Variants in CNNM2 observed in about 807,000 individuals in gnomAD.
CNNM2 encodes the protein cyclin and CBS domain divalent metal cation transport mediator 2.
In CNNM2, 12 loss-of-function variants were observed where a neutral mutation model predicts 66.9. That is an observed-to-expected ratio of 0.18 (90% CI 0.11 to 0.29). The LOEUF is 0.29. Ranked by LOEUF, CNNM2 falls within the 10% of genes least tolerant of loss-of-function variation. CNNM2 has a pLI of 1.00. For synonymous variants in CNNM2, 557 were observed against 501.8 expected (o/e 1.11, Z -1.47); for missense variants, 705 against 1,167.7 (o/e 0.60, Z 5.77).
chr10:102,944,141 C>G (rs995714588), intron 1 of CNNM2, among the ~76,000 whole-genome samples: 5 of 145,070 alleles, frequency 3.4e-5, no homozygotes, highest in Non-Finnish European at 6.0e-5. Flanking sequence ...AAGACTGGTG[C>G]GATCTCGGCT....
intron 1 of CNNM2, among the ~76,000 whole-genome samples, chr10:102,991,953 TATTAC>T (rs1476816464): frequency 1.3e-5 from 2 of 152,220 alleles, no homozygotes; most frequent in African/African-American, 4.8e-5. Context: ...CTGTATGAAC[TATTAC>T]ATTAAAGTTT....
chr10:102,943,089 G>A (rs1373982002), intron 1 of CNNM2, among the ~76,000 whole-genome samples: 3 of 152,088 alleles, frequency 2.0e-5, no homozygotes, highest in Non-Finnish European at 2.9e-5. Flanking sequence ...GCCAGGCGTG[G>A]TGGCACACTC....
At chr10:103,058,979 T>G (rs2065340152) in intron 4 of CNNM2, among the ~76,000 whole-genome samples, 1 of 152,186 alleles carries the variant, frequency 6.6e-6, no homozygotes, top group Non-Finnish European at 1.5e-5. Flanking sequence ...TTGTTTTGTT[T>G]TTTGTTTGTT....
Position 102,918,769 on chromosome 10 carries a change from G to T in CNNM2, c.289G>T (p.Glu97Ter). 1 of 1,597,596 alleles carries T rather than the reference G, an allele frequency of 6.3e-7. No individual in the cohort carries two copies. Among genetic ancestry groups the T allele is most frequent in the Non-Finnish European group, 8.5e-7 (1 of 1,172,964 alleles). Residue 97 changes from glutamate to a stop codon, truncating the protein, a stop_gained, in exon 1 of 8, where the codon GAA (glutamate) becomes TAA (stop). Coordinates refer to ENST00000369878, the MANE Select transcript of CNNM2 (RefSeq NM_017649.5). LOFTEE classifies it high-confidence loss of function. The surrounding 1 kb of genome is among the most constrained non-coding windows in gnomAD (Gnocchi z 4.1). ...FMEGGALRVSERTRVKLRVYG... is the reference protein window; with the variant it reads ...FMEGGALRVS Reference sequence around the variant, plus strand: ...GGAAGGGGGGGCGCTGCGGGTGAGCGAACGGACCCGGGTCAAGCTGCGGGT... The same window carrying T: ...GGAAGGGGGGGCGCTGCGGGTGAGCTAACGGACCCGGGTCAAGCTGCGGGT...
At chr10:102,921,380 C>T (rs567787617) in intron 1 of CNNM2, among the ~76,000 whole-genome samples, 1 of 152,174 alleles carries the variant, frequency 6.6e-6, no homozygotes, top group Non-Finnish European at 1.5e-5. Flanking sequence ...ATGTGATGAT[C>T]TGAACATACT....
At chr10:102,981,084 C>T (rs1413579123) in intron 1 of CNNM2, among the ~76,000 whole-genome samples, 1 of 152,068 alleles carries the variant, frequency 6.6e-6, no homozygotes, top group Non-Finnish European at 1.5e-5. Context: ...TGTGGTGGCT[C>T]GCACCTGTAA....
intron 1 of CNNM2, among the ~76,000 whole-genome samples, chr10:103,038,557 C>T (rs998435337): frequency 6.6e-6 from 1 of 152,156 alleles, no homozygotes; most frequent in East Asian, 1.9e-4. Context: ...GGGTCCTGTC[C>T]AGGAGAGGGC....
intron 1 of CNNM2, among the ~76,000 whole-genome samples, chr10:103,006,297 T>TG (rs1470903966): frequency 2.0e-5 from 3 of 151,454 alleles, no homozygotes; most frequent in East Asian, 2.0e-4. Context: ...ACCTCTGCCT[T>TG]GGGGGTTCAA....
chr10:102,964,835 T>C (rs185929287), intron 1 of CNNM2, among the ~76,000 whole-genome samples: 1 of 152,320 alleles, frequency 6.6e-6, no homozygotes, highest in East Asian at 1.9e-4. Context: ...TGTTGAAACT[T>C]AATGGCTAAC....
intron 1 of CNNM2, among the ~76,000 whole-genome samples, chr10:103,004,805 CTTGGACCTTTTGTGT>C (rs1417194653): frequency 6.6e-6 from 1 of 152,168 alleles, no homozygotes; most frequent in Non-Finnish European, 1.5e-5. Context: ...CTCAGCTTTT[CTTGGACCTTTTGTGT>C]TTTCACATAA....
At chr10:102,987,890 T>TCAGA (rs2063826284) in intron 1 of CNNM2, among the ~76,000 whole-genome samples, 1 of 152,120 alleles carries the variant, frequency 6.6e-6, no homozygotes. Flanking sequence ...GAGCCAAAGG[T>TCAGA]CAGAGTCCAC....
chr10:102,951,432 A>G (rs1032133881), intron 1 of CNNM2, among the ~76,000 whole-genome samples: 2 of 151,948 alleles, frequency 1.3e-5, no homozygotes, highest in African/African-American at 4.8e-5. Context: ...CTTGATCTCA[A>G]GTGATCTGCC....
At chr10:102,988,826 T>C (rs996192586) in intron 1 of CNNM2, among the ~76,000 whole-genome samples, 1 of 152,156 alleles carries the variant, frequency 6.6e-6, no homozygotes, top group Non-Finnish European at 1.5e-5. Flanking sequence ...GATCAATAAG[T>C]TTGTTCTCCA....
At chr10:102,944,394 A>G (rs1252829613) in intron 1 of CNNM2, among the ~76,000 whole-genome samples, 1 of 152,074 alleles carries the variant, frequency 6.6e-6, no homozygotes, top group Non-Finnish European at 1.5e-5. Context: ...CGTAACTCTT[A>G]TAGTACCTGT....
At chr10:103,007,480 C>T (rs775388436) in intron 1 of CNNM2, among the ~76,000 whole-genome samples, 6 of 152,126 alleles carry the variant, frequency 3.9e-5, no homozygotes, top group Admixed American at 1.3e-4. Context: ...ATCTCAACCA[C>T]GTAAGACAGA....
chr10:103,075,210 G>A (rs1021566642), intron 6 of CNNM2, among the ~76,000 whole-genome samples: 14 of 152,328 alleles, frequency 9.2e-5, no homozygotes, highest in African/African-American at 2.9e-4. Flanking sequence ...CGTCAGATGG[G>A]AGAAATGGTC....
rs1351030776 is a variant in CNNM2, at chr10:103,090,122, A to T, written c.*12942A>T. The T allele has an allele frequency of 4.5e-6, 2 of 447,052 alleles. No homozygotes were observed. The highest frequency in any genetic ancestry group is 3.9e-6 in the Non-Finnish European group (1 of 255,226). The allele number at this position is 447,052 out of a possible 1,614,324, so 27.7% of individuals were successfully genotyped here. A position where few individuals can be genotyped will look rare whatever the true frequency, so the allele number is the denominator to read the frequency against. On this transcript the variant is annotated 3_prime_UTR_variant, in exon 8 of 8. Transcript: ENST00000369878. ...AAATGGTGCCCATATTGTCTACTGC[A>T]GCTGGAAATTGGAAAAGATGGAGAG... is the stretch of plus-strand genomic sequence containing the variant.
intron 1 of CNNM2, among the ~76,000 whole-genome samples, chr10:103,019,086 G>T (rs116829709): frequency 1.3e-5 from 2 of 151,496 alleles, no homozygotes; most frequent in East Asian, 3.9e-4. Context: ...TGGGCAGCAC[G>T]GCGAGATCCC....
chr10:103,055,352 G>GT (rs1275167776), intron 3 of CNNM2, among the ~76,000 whole-genome samples: 1 of 152,234 alleles, frequency 6.6e-6, no homozygotes. Context: ...GTGGAATGCT[G>GT]TTTAACTCTT....
Sources: gnomAD v4.1 joint callset for allele counts (sites outside exome capture counted in the v4.1 genomes callset) on GRCh38, gnomAD v4.1.1 for gene constraint, Gnocchi (gnomAD v3.1) non-coding constraint, MANE v1.5 for transcripts, NCBI Gene and HGNC (gene_info 2026-07-23, HGNC 2026-07-21) for gene names.